ZEB1: variants seen among roughly 807,000 people sequenced by gnomAD.
The protein encoded by ZEB1 is zinc finger E-box-binding homeobox 1.
Under a neutral mutation model 84.9 loss-of-function variants are expected in ZEB1, and 21 were observed. That is an observed-to-expected ratio of 0.25 (90% CI 0.18 to 0.36). The LOEUF (loss-of-function observed/expected upper bound fraction) is 0.36, where lower values mean the gene tolerates loss of function less well. ZEB1 is among the 10% of genes least tolerant of loss of function. ZEB1 has a pLI of 1.00. For missense variants in ZEB1, 1,104 were observed against 1,330.2 expected, an observed-to-expected ratio of 0.83 and a Z score of 2.65; for synonymous variants, 420 against 471.1, an observed-to-expected ratio of 0.89 and a Z score of 1.41.
intron 1 of ZEB1, among the ~76,000 whole-genome samples, chr10:31,405,216 G>A (rs1346545112): frequency 2.6e-5 from 4 of 152,116 alleles, no homozygotes; most frequent in African/African-American, 9.7e-5. Context: ...GAAAGCAGTT[G>A]TGTGTGTATG....
chr10:31,410,445 G>A (rs1452283665), intron 1 of ZEB1, among the ~76,000 whole-genome samples: 12 of 152,088 alleles, frequency 7.9e-5, no homozygotes, highest in Non-Finnish European at 4.4e-5. Context: ...TGTTCATCAG[G>A]GATATTGGCC....
chr10:31,392,708 G>T (rs1333342625), intron 1 of ZEB1, among the ~76,000 whole-genome samples: 1 of 151,680 alleles, frequency 6.6e-6, no homozygotes, highest in East Asian at 1.9e-4. Flanking sequence ...AAATATAGAG[G>T]ATGTTATATA....
At chr10:31,427,106 A>G (rs2057040882) in intron 1 of ZEB1, among the ~76,000 whole-genome samples, 1 of 152,028 alleles carries the variant, frequency 6.6e-6, no homozygotes, top group South Asian at 2.1e-4. Flanking sequence ...CCGGATGCAT[A>G]TAGGTGTGTG....
chr10:31,400,787 G>A (rs1204926054), intron 1 of ZEB1, among the ~76,000 whole-genome samples: 1 of 152,072 alleles, frequency 6.6e-6, no homozygotes, highest in Non-Finnish European at 1.5e-5. Context: ...CATAGCTTTT[G>A]TTAAAGTAAC....
intron 2 of ZEB1, among the ~76,000 whole-genome samples, chr10:31,470,475 G>A (rs1292853268): frequency 6.6e-6 from 1 of 150,888 alleles, no homozygotes; most frequent in Non-Finnish European, 1.5e-5. Context: ...GATGGAAGAT[G>A]AAATGAATGA....
chr10:31,437,099 A>G (rs2058382870), intron 1 of ZEB1, among the ~76,000 whole-genome samples: 1 of 152,186 alleles, frequency 6.6e-6, no homozygotes, highest in Non-Finnish European at 1.5e-5. Context: ...TTTAAATAAC[A>G]AAGAAACAAA....
intron 1 of ZEB1, among the ~76,000 whole-genome samples, chr10:31,411,001 G>C (rs161245): frequency 0.28 from 42,757 of 151,960 alleles, 13,982 homozygotes; most frequent in African/African-American, 0.8. Flanking sequence ...TTTTTCAGTT[G>C]TGCTCTGATC....
chr10:31,445,502 A>G (rs1218256748), intron 1 of ZEB1, among the ~76,000 whole-genome samples: 1 of 150,322 alleles, frequency 6.7e-6, no homozygotes, highest in African/African-American at 2.5e-5. Context: ...CCAGTTTTCA[A>G]AGGGAATGCT....
intron 1 of ZEB1, among the ~76,000 whole-genome samples, chr10:31,323,344 G>T (rs1391323995): frequency 1.4e-5 from 2 of 147,488 alleles, no homozygotes; most frequent in Non-Finnish European, 2.9e-5. Flanking sequence ...GAGTAGCAAG[G>T]AAAATTACAA....
intron 2 of ZEB1, among the ~76,000 whole-genome samples, chr10:31,485,395 G>A (rs2065596750): frequency 6.6e-6 from 1 of 151,862 alleles, no homozygotes; most frequent in Non-Finnish European, 1.5e-5. Context: ...GGACCCAGTA[G>A]AGCCAATGTC....
chr10:31,444,729 T>C lies in ZEB1; in HGVS notation c.59-16308T>C, dbSNP rs1477071544. On this transcript the variant is annotated intron_variant, in intron 1 of 8. Transcript: ENST00000424869. ...GTCAAAGATCAGATAGTCGTAGGTA[T>C]GCGGCGTTATTTCTGAGGGCTCTGT... is the stretch of plus-strand genomic sequence containing the variant. 5.9e-5 allele frequency among the ~76,000 whole-genome samples: 9 copies of C among 152,204 alleles called. No individual in the cohort carries two copies. The East Asian group carries it at 1.5e-3, about 26-fold the overall frequency.
At chr10:31,458,290 T>G (rs1195267609) in intron 1 of ZEB1, among the ~76,000 whole-genome samples, 2 of 151,620 alleles carry the variant, frequency 1.3e-5, no homozygotes, top group Non-Finnish European at 2.9e-5. Context: ...TGTGCATCAT[T>G]TGCCAGTAAG....
chr10:31,457,303 A>AT (rs1330730066), intron 1 of ZEB1, among the ~76,000 whole-genome samples: 1 of 152,158 alleles, frequency 6.6e-6, no homozygotes, highest in Non-Finnish European at 1.5e-5. Context: ...GTGGTGGGCC[A>AT]TTTTTTAAAT....
chr10:31,415,949 T>C (rs981737675), intron 1 of ZEB1, among the ~76,000 whole-genome samples: 1 of 152,252 alleles, frequency 6.6e-6, no homozygotes, highest in Admixed American at 6.5e-5. Context: ...GAACATGGGA[T>C]ATCTAATTGT....
At chr10:31,477,370 A>G (rs1222493033) in intron 2 of ZEB1, among the ~76,000 whole-genome samples, 1 of 152,006 alleles carries the variant, frequency 6.6e-6, no homozygotes, top group Non-Finnish European at 1.5e-5. Context: ...GGAAGATTAC[A>G]CAAATGGAAA....
intron 1 of ZEB1, among the ~76,000 whole-genome samples, chr10:31,408,845 C>G (rs973784984): frequency 6.6e-6 from 1 of 150,740 alleles, no homozygotes; most frequent in Non-Finnish European, 1.5e-5. Context: ...GCAAGGACTT[C>G]ATGTCTAAAA....
chr10:31,476,069 AC>A (rs1242587564), intron 2 of ZEB1, among the ~76,000 whole-genome samples: 1 of 152,022 alleles, frequency 6.6e-6, no homozygotes, highest in Non-Finnish European at 1.5e-5. Context: ...ACAACTACAG[AC>A]TCAAAGTAAA....
chr10:31,408,590 G>A (rs1215806008), intron 1 of ZEB1, among the ~76,000 whole-genome samples: 143 of 145,794 alleles, frequency 9.8e-4, no homozygotes, highest in Non-Finnish European at 1.6e-3. Flanking sequence ...AAATAACGCC[G>A]CATATCTACA....
chr10:31,355,442 T>A (rs999715360), intron 1 of ZEB1, among the ~76,000 whole-genome samples: 5 of 152,206 alleles, frequency 3.3e-5, no homozygotes, highest in African/African-American at 1.2e-4. Context: ...TATCTTTCCA[T>A]GTCCTCACGA....
Sources: allele counts gnomAD v4.1 joint callset (sites outside exome capture counted in the v4.1 genomes callset), GRCh38; gene constraint gnomAD v4.1.1; transcripts MANE v1.5; gene names NCBI Gene and HGNC (gene_info 2026-07-23, HGNC 2026-07-21).